The following GABRA4 variants were observed in gnomAD, a reference collection of about 807,000 sequenced individuals.
GABRA4 encodes the protein gamma-aminobutyric acid receptor subunit alpha-4.
A neutral mutation model predicts 49.7 loss-of-function variants in GABRA4; 12 were observed. That is an observed-to-expected ratio of 0.24 (90% confidence interval 0.15 to 0.39). GABRA4 has a LOEUF of 0.39. Ranked by LOEUF, GABRA4 falls within the 10% of genes least tolerant of loss-of-function variation. GABRA4 has a pLI of 1.00. For missense variants in GABRA4, 506 were observed against 686.0 expected (o/e 0.74, Z 2.93); for synonymous variants, 288 against 240.2 (o/e 1.20, Z -1.84).
chr4:46,954,416 G>A (rs1355002703), intron 8 of GABRA4, among the ~76,000 whole-genome samples: 2 of 152,006 alleles, frequency 1.3e-5, no homozygotes, highest in South Asian at 2.1e-4. Context: ...AATTAGTTGG[G>A]CATTGTGGCA....
chr4:46,979,943 A>G (rs1182069602), intron 2 of GABRA4, among the ~76,000 whole-genome samples: 3 of 152,132 alleles, frequency 2.0e-5, no homozygotes, highest in Non-Finnish European at 4.4e-5. Flanking sequence ...AATATGGCTG[A>G]CACAGATTTT....
chr4:46,984,000 C>T lies in GABRA4; in HGVS notation c.206-4902G>A, dbSNP rs192343970. Among the ~76,000 whole-genome samples, 20 of 152,128 alleles carry T rather than the reference C, an allele frequency of 1.3e-4. No homozygotes were observed. The East Asian group carries it at 3.9e-3, about 29-fold the overall frequency. On this transcript the variant is annotated intron_variant, in intron 2 of 8. Coordinates refer to ENST00000264318, the MANE Select transcript of GABRA4 (RefSeq NM_000809.4). ...ATTCCCATCTAATTAATGAGTCTAACTTGCTGGGAAAGAGGGAAGGCAATT... is the reference window on the plus strand; with the variant it reads ...ATTCCCATCTAATTAATGAGTCTAATTTGCTGGGAAAGAGGGAAGGCAATT...
chr4:46,928,654 T>C lies in GABRA4; in HGVS notation c.1236A>G (p.Lys412=). The C allele has an allele frequency of 6.2e-7, 1 of 1,613,650 alleles. No homozygotes were observed. ...AAGATTCTTGAACAACTGTGGAAGA[T>C]TTGCTTGAATGGTTTCCCACCTCAG... is the stretch of plus-strand genomic sequence containing the variant. ...NRTEVGNHSS[K]SSTVVQESSK... is the part of the protein sequence containing the mutation. The change falls in exon 9 of 9, where the codon AAA becomes AAG. Residue 412 remains lysine, a synonymous_variant. Transcript: ENST00000264318.
rs537504833 is a variant in GABRA4 at position 46,989,131 on chromosome 4, A to G, written c.205+3697T>C. Among the ~76,000 whole-genome samples, 6 of 152,354 alleles carry G rather than the reference A, an allele frequency of 3.9e-5. No individual in the cohort carries two copies. In the South Asian group the frequency reaches 8.3e-4, roughly 21 times the overall value. ...GTGATCTGTATTTGGAACGTTTATTATTCTAGATCATATGCCTCAAAAGAT... is the reference window on the plus strand; with the variant it reads ...GTGATCTGTATTTGGAACGTTTATTGTTCTAGATCATATGCCTCAAAAGAT... On this transcript the variant is annotated intron_variant, in intron 2 of 8. Coordinates refer to ENST00000264318, the MANE Select transcript of GABRA4 (RefSeq NM_000809.4).
chr4:46,922,052 T>A lies in GABRA4; in HGVS notation c.*6173A>T, dbSNP rs952852795. 2.6e-5 allele frequency: 4 copies of A among 152,146 alleles called. No individual in the cohort carries two copies. The highest frequency in any genetic ancestry group is 9.7e-5 in the African/African-American group (4 of 41,442). The allele number at this position is 152,146 out of a possible 1,614,324, so 9.4% of individuals were successfully genotyped here. On this transcript the variant is annotated 3_prime_UTR_variant, in exon 9 of 9. Coordinates refer to ENST00000264318, the MANE Select transcript of GABRA4 (RefSeq NM_000809.4). ...TCTGTCTTCATACGATTTTACTATA[T>A]ACTTCCGAATAGTGGAATGTAGAGG...
At chr4:46,937,429 T>C (rs1474725631) in intron 8 of GABRA4, among the ~76,000 whole-genome samples, 2 of 152,190 alleles carry the variant, frequency 1.3e-5, no homozygotes, top group Non-Finnish European at 2.9e-5. Context: ...CCAAAATTTC[T>C]AATCTTTTTT....
rs1553901712 is a variant in GABRA4, at chr4:46,925,757, T to TATTATTATTATTATC, written c.*2467_*2468insGATAATAATAATAAT. The TATTATTATTATTATC allele has an allele frequency of 1.3e-5, 1 of 78,866 alleles. No individual in the cohort carries two copies. Among genetic ancestry groups the TATTATTATTATTATC allele is most frequent in the Non-Finnish European group, 2.8e-5 (1 of 35,584 alleles). 4.9% of individuals were successfully genotyped at this position (78,866 alleles called of 1,614,324 possible). A position where few individuals can be genotyped will look rare whatever the true frequency, so the allele number is the denominator to read the frequency against. ...TTATTATTATTATTATTATTATTATTATCATCATTATTATCATTGTGTGCA... is the reference window on the plus strand; with the variant it reads ...TTATTATTATTATTATTATTATTATTATTATTATTATTATCATCATCATTATTATCATTGTGTGCA... On this transcript the variant is annotated 3_prime_UTR_variant, in exon 9 of 9. Transcript: ENST00000264318.
At chr4:46,970,251 A>G (rs1442987732) in intron 7 of GABRA4, among the ~76,000 whole-genome samples, 1 of 151,502 alleles carries the variant, frequency 6.6e-6, no homozygotes, top group Non-Finnish European at 1.5e-5. Context: ...CCTACTAGGT[A>G]GAAAATCAAA....
chr4:46,961,085 T>C (rs191941676), intron 8 of GABRA4, among the ~76,000 whole-genome samples: 2 of 151,944 alleles, frequency 1.3e-5, no homozygotes, highest in African/African-American at 4.8e-5. Context: ...AACTAATAAA[T>C]AGTATGTAAA....
chr4:46,951,699 A>C (rs1722176710), intron 8 of GABRA4, among the ~76,000 whole-genome samples: 3 of 151,830 alleles, frequency 2.0e-5, no homozygotes, highest in Non-Finnish European at 4.4e-5. Context: ...CCTAATATTA[A>C]TATGTATAAT....
At chr4:46,934,841 A>T (rs1241039963) in intron 8 of GABRA4, among the ~76,000 whole-genome samples, 4 of 152,084 alleles carry the variant, frequency 2.6e-5, no homozygotes, top group Non-Finnish European at 4.4e-5. Context: ...TTTGTTAGAG[A>T]CTTCTTTGGT....
intron 2 of GABRA4, among the ~76,000 whole-genome samples, chr4:46,984,598 C>T (rs901652903): frequency 6.6e-6 from 1 of 151,564 alleles, no homozygotes; most frequent in African/African-American, 2.4e-5. Context: ...TGAACAACAA[C>T]AAAAATAAAA....
chr4:46,987,066 G>C (rs532227079), intron 2 of GABRA4, among the ~76,000 whole-genome samples: 1 of 152,134 alleles, frequency 6.6e-6, no homozygotes, highest in Non-Finnish European at 1.5e-5. Context: ...AATTAGTTCA[G>C]GACTTGTCCC....
chr4:46,959,054 GAATA>G (rs1480992523), intron 8 of GABRA4, among the ~76,000 whole-genome samples: 9 of 151,894 alleles, frequency 5.9e-5, no homozygotes, highest in African/African-American at 2.2e-4. Flanking sequence ...ATAATTCTTA[GAATA>G]AATATTTCTT....
At chr4:46,973,698 C>T (rs913887551) in intron 6 of GABRA4, among the ~76,000 whole-genome samples, 1 of 151,708 alleles carries the variant, frequency 6.6e-6, no homozygotes, top group African/African-American at 2.4e-5. Context: ...TATTCACATT[C>T]CAAAAGAAAA....
chr4:46,976,683 C>A (rs893481628), intron 5 of GABRA4, among the ~76,000 whole-genome samples: 9 of 151,438 alleles, frequency 5.9e-5, no homozygotes, highest in African/African-American at 2.2e-4. Flanking sequence ...ATGTATCTAT[C>A]TATCTATCTG....
At position 46,926,526 on chromosome 4, in the gene GABRA4, G is replaced by T. The variant is rs1167253906; in HGVS notation, c.*1699C>A. 1 of 151,912 alleles carries T rather than the reference G, an allele frequency of 6.6e-6. No individual in the cohort carries two copies. Among genetic ancestry groups the T allele is most frequent in the Admixed American group, 6.6e-5 (1 of 15,218 alleles). The allele number at this position is 151,912 out of a possible 1,614,324, so 9.4% of individuals were successfully genotyped here. ...TATCAAAAACAACCATTATAAGGTA[G>T]TGCAATATCTGAAAAATCGATGCCA... On this transcript the variant is annotated 3_prime_UTR_variant, in exon 9 of 9. Coordinates refer to ENST00000264318, the MANE Select transcript of GABRA4 (RefSeq NM_000809.4).
chr4:46,939,479 C>G (rs182524156), intron 8 of GABRA4, among the ~76,000 whole-genome samples: 2 of 151,990 alleles, frequency 1.3e-5, no homozygotes, highest in East Asian at 3.9e-4. Context: ...GGCACTGAAA[C>G]CTAAAACGTT....
At chr4:46,976,439 G>T (rs187484231) in intron 5 of GABRA4, among the ~76,000 whole-genome samples, 1 of 148,702 alleles carries the variant, frequency 6.7e-6, no homozygotes, top group Non-Finnish European at 1.5e-5. Context: ...CCTTCCAAAG[G>T]CTTCCCATAG....
Sources: gnomAD v4.1 joint callset for allele counts (sites outside exome capture counted in the v4.1 genomes callset) on GRCh38, gnomAD v4.1.1 for gene constraint, MANE v1.5 for transcripts, NCBI Gene and HGNC (gene_info 2026-07-23, HGNC 2026-07-21) for gene names.